Variants in XIRP1 observed in about 807,000 individuals in gnomAD.
XIRP1 encodes xin actin binding repeat containing 1, also known as xin actin-binding repeat-containing protein 1.
For synonymous variants in XIRP1, 984 were observed against 947.0 expected (o/e 1.04, Z -0.72); for missense variants, 2,378 against 2,345.4 (o/e 1.01, Z -0.29).
rs774016082 is a variant in XIRP1, at chr3:39,188,210, C to T, written c.1236G>A (p.Gly412=). The change falls in exon 2 of 2, where the codon GGG becomes GGA. Residue 412 remains glycine, a synonymous_variant. Coordinates refer to ENST00000340369, the MANE Select transcript of XIRP1 (RefSeq NM_194293.4). The stretch of plus-strand genomic sequence containing the variant: ...CTGAGGAGCTGTCACTGGATAGATG[C>T]CCCTCACCGTCCTGGGGATCCACTC... ...LQRVDPQDGE[G]HLSSDSSSAL... 1.2e-6 allele frequency: 2 copies of T among 1,614,210 alleles called. No homozygotes were observed. Among genetic ancestry groups the T allele is most frequent in the East Asian group, 2.2e-5 (1 of 44,886 alleles).
chr3:39,185,716 C>T lies in XIRP1; in HGVS notation c.3730G>A (p.Gly1244Ser). ...HILASGPQAA[G>S]ASPHPHNAFV... Reference sequence around the variant, plus strand: ...GCATTATGGGGGTGCGGGCTGGCACCTGCAGCTTGGGGCCCAGAGGCCAGA... The same window carrying T: ...GCATTATGGGGGTGCGGGCTGGCACTTGCAGCTTGGGGCCCAGAGGCCAGA... Residue 1244 changes from glycine to serine, a missense_variant, in exon 2 of 2, where the codon GGT (glycine) becomes AGT (serine). By Grantham distance (56) the Gly-to-Ser change is moderately conservative (BLOSUM62 0). Coordinates refer to ENST00000340369, the MANE Select transcript of XIRP1 (RefSeq NM_194293.4). 1.2e-6 allele frequency: 2 copies of T among 1,610,366 alleles called. No homozygotes were observed. The highest frequency in any genetic ancestry group is 1.7e-6 in the Non-Finnish European group (2 of 1,177,970).
Position 39,189,540 on chromosome 3 carries a change from A to G in XIRP1, c.-80-15T>C. The G allele has an allele frequency of 6.6e-7, 1 of 1,506,028 alleles. No individual in the cohort carries two copies. Among genetic ancestry groups the G allele is most frequent in the Non-Finnish European group, 8.9e-7 (1 of 1,126,864 alleles). 93.3% of individuals were successfully genotyped at this position (1,506,028 alleles called of 1,614,324 possible). On this transcript the variant is annotated splice_polypyrimidine_tract_variant and intron_variant, in intron 1 of 1. Coordinates refer to ENST00000340369, the MANE Select transcript of XIRP1 (RefSeq NM_194293.4). Reference sequence around the variant, plus strand: ...GAGGCTGGATGCTGGGAGAAATGGTAGTAAACAGGGCTCAGAGTCAGAGTA... The same window carrying G: ...GAGGCTGGATGCTGGGAGAAATGGTGGTAAACAGGGCTCAGAGTCAGAGTA...
Position 39,188,389 on chromosome 3 carries a change from C to A in XIRP1, c.1057G>T (p.Ala353Ser), listed in dbSNP as rs771066069. The change falls in exon 2 of 2, where the codon GCG (alanine) becomes TCG (serine). Residue 353 changes from alanine to serine, a missense_variant. Coordinates refer to ENST00000340369, the MANE Select transcript of XIRP1 (RefSeq NM_194293.4). Reference sequence around the variant, plus strand: ...TCGTCCCCCTTCAGAGTGTCCAGCGCTCGGGTCTCAAACAGATGCTGCTGC... The same window carrying A: ...TCGTCCCCCTTCAGAGTGTCCAGCGATCGGGTCTCAAACAGATGCTGCTGC... ...QQQQHLFETR[A>S]LDTLKGDEEA... The A allele has an allele frequency of 6.2e-7, 1 of 1,613,206 alleles. No homozygotes were observed. Among genetic ancestry groups the A allele is most frequent in the Non-Finnish European group, 8.5e-7 (1 of 1,179,226 alleles).
chr3:39,189,094 C>G lies in XIRP1; in HGVS notation c.352G>C (p.Val118Leu), dbSNP rs115823205. The change falls in exon 2 of 2, where the codon GTG (valine) becomes CTG (leucine). Residue 118 changes from valine to leucine, a missense_variant. Transcript: ENST00000340369. The stretch of plus-strand genomic sequence containing the variant: ...GTGGCCTGGACGTCACCACACAGCA[C>G]GGGCTCCTTGGCAGCTGGCCTCTCG... ...EHERPAAKEP[V>L]LCGDVQATSR... 2.5e-6 allele frequency: 4 copies of G among 1,614,206 alleles called. No homozygotes were observed. Among genetic ancestry groups the G allele is most frequent in the Non-Finnish European group, 1.7e-6 (2 of 1,180,052 alleles).
chr3:39,191,401 A>G (rs1405894367), intron 1 of XIRP1, among the ~76,000 whole-genome samples: 1 of 138,180 alleles, frequency 7.2e-6, no homozygotes, highest in Non-Finnish European at 1.5e-5. Flanking sequence ...TGCTAAGGCC[A>G]CAGACAGTTA....
In XIRP1 at chr3:39,189,335, T is replaced by A; in HGVS notation, c.111A>T (p.Pro37=). 7.2e-7 allele frequency: 1 copy of A among 1,380,730 alleles called. No individual in the cohort carries two copies. The highest frequency in any genetic ancestry group is 1.2e-5 in the South Asian group (1 of 83,206). The allele number at this position is 1,380,730 out of a possible 1,614,324, so 85.5% of individuals were successfully genotyped here. Residue 37 remains proline (P), a synonymous_variant, in exon 2 of 2, where the codon CCA becomes CCT. Coordinates refer to ENST00000340369, the MANE Select transcript of XIRP1 (RefSeq NM_194293.4). ...GGAACTTGGAGAAGGATTCCTTGGG[T>A]GGCGGCAGTGGCAGGTCCTCCAGGG... ...PPALEDLPLP[P]PKESFSKFHQ...
In XIRP1 at chr3:39,185,785, C is replaced by T. The variant is rs1185567138; in HGVS notation, c.3661G>A (p.Ala1221Thr). 6.2e-7 allele frequency: 1 copy of T among 1,611,576 alleles called. No homozygotes were observed. The highest frequency in any genetic ancestry group is 1.1e-5 in the South Asian group (1 of 90,754). Residue 1221 changes from alanine (A) to threonine (T), a missense_variant, in exon 2 of 2, where the codon GCT becomes ACT. Physicochemically the swap from Ala to Thr is moderately conservative, Grantham distance 58. Coordinates refer to ENST00000340369, the MANE Select transcript of XIRP1 (RefSeq NM_194293.4). The part of the protein sequence containing the change: ...MAEVCPGGLQ[A>T]AETTLKTAPL... ...GCAGTCTTCAGGGTGGTCTCTGCAG[C>T]TTGGAGGCCCCCTGGGCAGACTTCT... is the stretch of plus-strand genomic sequence containing the variant.
At position 39,185,954 on chromosome 3, in the gene XIRP1, G is replaced by A. The variant is rs770898139; in HGVS notation, c.3492C>T (p.Pro1164=). Residue 1164 remains proline (P), a synonymous_variant, in exon 2 of 2, where the codon CCC becomes CCT. Transcript: ENST00000340369. The part of the protein sequence containing the change: ...PGGVQLSQRE[P]QSRHRETALS... ...GGGCAGTCTCCCTGTGCCTTGACTG[G>A]GGTTCCCTCTGAGAAAGCTGGACAC... is the stretch of plus-strand genomic sequence containing the variant. 9.3e-6 allele frequency: 15 copies of A among 1,613,946 alleles called. No individual in the cohort carries two copies. The highest frequency in any genetic ancestry group is 2.2e-5 in the South Asian group (2 of 91,094).
rs2040036532 is a variant in XIRP1 at position 39,188,752 on chromosome 3, C to T, written c.694G>A (p.Val232Met). ...QELKGDVKKT[V>M]KLFQTEPLCA... ...AGGGGCTCCGTTTGGAAGAGCTTCACTGTCTTTTTCACATCACCCTTCAGC... is the reference window on the plus strand; with the variant it reads ...AGGGGCTCCGTTTGGAAGAGCTTCATTGTCTTTTTCACATCACCCTTCAGC... The change falls in exon 2 of 2, where the codon GTG becomes ATG. Residue 232 changes from valine to methionine, a missense_variant. By Grantham distance (21) the Val-to-Met change is conservative. Transcript: ENST00000340369. 3 of 1,613,650 alleles carry T rather than the reference C, an allele frequency of 1.9e-6. No individual in the cohort carries two copies. The highest frequency in any genetic ancestry group is 2.5e-6 in the Non-Finnish European group (3 of 1,180,050).
At position 39,185,231 on chromosome 3, in the gene XIRP1, G is replaced by A; in HGVS notation, c.4215C>T (p.Thr1405=). The change falls in exon 2 of 2, where the codon ACC becomes ACT. Residue 1405 remains threonine (T), a synonymous_variant. Coordinates refer to ENST00000340369, the MANE Select transcript of XIRP1 (RefSeq NM_194293.4). The part of the protein sequence containing the change: ...SQPSLQHGLS[T]TAPRPTKNQA... ...GATTCTTGGTGGGCCTGGGGGCCGTGGTGCTGAGGCCATGTTGTAAGCTGG... is the reference window on the plus strand; with the variant it reads ...GATTCTTGGTGGGCCTGGGGGCCGTAGTGCTGAGGCCATGTTGTAAGCTGG... The A allele has an allele frequency of 6.2e-7, 1 of 1,614,170 alleles. No individual in the cohort carries two copies. Among genetic ancestry groups the A allele is most frequent in the African/African-American group, 1.3e-5 (1 of 75,054 alleles).
chr3:39,192,087 T>G (rs2040095032), intron 1 of XIRP1, among the ~76,000 whole-genome samples: 1 of 152,232 alleles, frequency 6.6e-6, no homozygotes, highest in African/African-American at 2.4e-5. Context: ...CTCCAGATCC[T>G]GGGCCTGCCT....
At position 39,187,465 on chromosome 3, in the gene XIRP1, G is replaced by A. The variant is rs1291976306; in HGVS notation, c.1981C>T (p.His661Tyr). The A allele has an allele frequency of 7.4e-6, 12 of 1,612,406 alleles. No homozygotes were observed. Among genetic ancestry groups the A allele is most frequent in the African/African-American group, 2.7e-5 (2 of 75,036 alleles). Residue 661 changes from histidine to tyrosine, a missense_variant, in exon 2 of 2, where the codon CAC becomes TAC. Transcript: ENST00000340369. ...TGAAGAGGCTCGGTCTCAAAGACGT[G>A]TCTGTCTGTCTGTCTTTCCCCAGCC... ...VPAGERQTDR[H>Y]VFETEPLQAS... is the part of the protein sequence containing the mutation.
intron 1 of XIRP1, among the ~76,000 whole-genome samples, chr3:39,191,367 G>A (rs1402261547): frequency 8.3e-4 from 39 of 46,766 alleles, no homozygotes; most frequent in Non-Finnish European, 1.3e-3. Context: ...CCCCACCCCC[G>A]CCCCCAGGAA....
In XIRP1 at chr3:39,185,355, C is replaced by A. The variant is rs2039945606; in HGVS notation, c.4091G>T (p.Gly1364Val). The A allele has an allele frequency of 1.2e-6, 2 of 1,614,180 alleles. No homozygotes were observed. Among genetic ancestry groups the A allele is most frequent in the Non-Finnish European group, 1.7e-6 (2 of 1,180,028 alleles). ...CTGAGGGATGGCTGTATCTCTCTCA[C>A]CTCGTTGGTGTTCTCTTTGCCCCAC... ...SEVGQREHQRGERDTAIPQPA... is the reference protein window; with the variant it reads ...SEVGQREHQRVERDTAIPQPA... The change falls in exon 2 of 2, where the codon GGT becomes GTT. Residue 1364 changes from glycine (G) to valine (V), a missense_variant. Gly to Val is a moderately radical substitution (Grantham distance 109, BLOSUM62 -3). Transcript: ENST00000340369.
chr3:39,191,895 C>T (rs2040093095), intron 1 of XIRP1, among the ~76,000 whole-genome samples: 1 of 152,230 alleles, frequency 6.6e-6, no homozygotes, highest in African/African-American at 2.4e-5. Flanking sequence ...GTCCGAATTC[C>T]ACCCCAGGTT....
Position 39,184,177 on chromosome 3 carries a change from C to G in XIRP1, c.5269G>C (p.Gly1757Arg). ...KSVLELQTGP[G>R]SSQHYGAMRT... ...ATGGCTCCATAGTGTTGTGAGCTCCCTGGCCCCGTCTGTAGCTCCAGAACA... is the reference window on the plus strand; with the variant it reads ...ATGGCTCCATAGTGTTGTGAGCTCCGTGGCCCCGTCTGTAGCTCCAGAACA... Residue 1757 changes from glycine to arginine, a missense_variant, in exon 2 of 2, where the codon GGG becomes CGG. Gly to Arg is a moderately radical substitution (Grantham distance 125). Transcript: ENST00000340369. 1 of 1,614,158 alleles carries G rather than the reference C, an allele frequency of 6.2e-7. No homozygotes were observed. Among genetic ancestry groups the G allele is most frequent in the Non-Finnish European group, 8.5e-7 (1 of 1,180,012 alleles).
rs530310021 is a variant in XIRP1, at chr3:39,188,985, C to A, written c.461G>T (p.Arg154Leu). The A allele has an allele frequency of 3.3e-5, 54 of 1,613,754 alleles. No homozygotes were observed. The highest frequency in any genetic ancestry group is 4.5e-5 in the Non-Finnish European group (53 of 1,180,056). The change falls in exon 2 of 2, where the codon CGT becomes CTT. Residue 154 changes from arginine (R) to leucine (L), a missense_variant. Physicochemically the swap from Arg to Leu is moderately radical, Grantham distance 102 (BLOSUM62 -2). Transcript: ENST00000340369. The stretch of plus-strand genomic sequence containing the variant: ...TGTCTCAAATAGCCAGCGGGCTGCA[C>A]GAACGTCTCCTCCACCTGGCTGGGG... ...TRPQPGGGDVRAARWLFETKP... is the reference protein window; with the variant it reads ...TRPQPGGGDVLAARWLFETKP...
rs753557971 is a variant in XIRP1, at chr3:39,187,090, G to A, written c.2356C>T (p.His786Tyr). 3 of 1,613,772 alleles carry A rather than the reference G, an allele frequency of 1.9e-6. No individual in the cohort carries two copies. Among genetic ancestry groups the A allele is most frequent in the Non-Finnish European group, 2.5e-6 (3 of 1,179,696 alleles). Residue 786 changes from histidine (H) to tyrosine (Y), a missense_variant, in exon 2 of 2, where the codon CAC (histidine) becomes TAC (tyrosine). Coordinates refer to ENST00000340369, the MANE Select transcript of XIRP1 (RefSeq NM_194293.4). ...RTLHATPGIL[H>Y]HGGILMEARG... Reference sequence around the variant, plus strand: ...GCCTCCATGAGGATGCCTCCATGGTGCAGGATGCCAGGTGTGGCATGCAGA... The same window carrying A: ...GCCTCCATGAGGATGCCTCCATGGTACAGGATGCCAGGTGTGGCATGCAGA...
In XIRP1 at chr3:39,188,136, T is replaced by TC. The variant is rs2040020398; in HGVS notation, c.1309dup (p.Asp437GlyfsTer6). 2 of 1,613,890 alleles carry TC rather than the reference T, an allele frequency of 1.2e-6. No homozygotes were observed. Among genetic ancestry groups the TC allele is most frequent in the Admixed American group, 3.3e-5 (2 of 59,988 alleles). On this transcript the variant is annotated frameshift_variant, in exon 2 of 2. Transcript: ENST00000340369. LOFTEE classifies it low-confidence loss of function (END_TRUNC). Reference sequence around the variant, plus strand: ...AAAAAGGTTCTTAAAAGTCTTCACATCCCCCTTTAGCTCATCCCTCTGGGG... The same window carrying TC: ...AAAAAGGTTCTTAAAAGTCTTCACATCCCCCCTTTAGCTCATCCCTCTGGGG...
Sources: allele counts gnomAD v4.1 joint callset (sites outside exome capture counted in the v4.1 genomes callset), GRCh38; gene constraint gnomAD v4.1.1; transcripts MANE v1.5; gene names NCBI Gene and HGNC (gene_info 2026-07-23, HGNC 2026-07-21).